ALS2: variants seen among roughly 807,000 people sequenced by gnomAD.
ALS2 encodes the protein alsin.
Under a neutral mutation model 203.4 loss-of-function variants are expected in ALS2, and 117 were observed. That is an observed-to-expected ratio of 0.58 (90% CI 0.50 to 0.67). The LOEUF (loss-of-function observed/expected upper bound fraction) is 0.67. Ranked by LOEUF, ALS2 falls within the 30% of genes least tolerant of loss-of-function variation. ALS2 has a pLI of 0.00. For synonymous variants in ALS2, 718 were observed against 725.9 expected, an observed-to-expected ratio of 0.99 and a Z score of 0.17; for missense variants, 1,715 against 1,989.4, an observed-to-expected ratio of 0.86 and a Z score of 2.62.
intron 4 of ALS2, among the ~76,000 whole-genome samples, chr2:201,758,089 C>T (rs1301027621): frequency 6.6e-6 from 1 of 152,116 alleles, no homozygotes; most frequent in Non-Finnish European, 1.5e-5. Flanking sequence ...GCATGGAAAA[C>T]ACTGCCTTTA....
chr2:201,729,650 G>A (rs1380023406), intron 13 of ALS2, among the ~76,000 whole-genome samples: 1 of 152,042 alleles, frequency 6.6e-6, no homozygotes, highest in African/African-American at 2.4e-5. Context: ...GGAGGCCGAG[G>A]CAGGCGGATC....
At chr2:201,763,825 G>A (rs1693905579) in intron 3 of ALS2, among the ~76,000 whole-genome samples, 1 of 152,128 alleles carries the variant, frequency 6.6e-6, no homozygotes, top group Non-Finnish European at 1.5e-5. Flanking sequence ...AAGCTATGCT[G>A]GCTAAAAATT....
chr2:201,763,393 G>A, intron 3 of ALS2: 1 of 214,612 alleles, frequency 4.7e-6, no homozygotes, highest in Non-Finnish European at 9.4e-6. Context: ...CTGCCACCCT[G>A]GCCAACTTCA....
rs1178952872 is a variant in ALS2 at position 201,704,526 on chromosome 2, G to C, written c.4766C>G (p.Ser1589Ter). 1.2e-6 allele frequency: 2 copies of C among 1,614,000 alleles called. No homozygotes were observed. The highest frequency in any genetic ancestry group is 1.7e-6 in the Non-Finnish European group (2 of 1,179,988). ...GGACCACAAGAAGTCTTCGTGGAGT[G>C]ACGCCAGGACACTCTGAGAGATCTC... is the stretch of plus-strand genomic sequence containing the variant. Reference protein sequence around the residue: ...FEEISQSVLASLHEDFLWSMD... With the variant: ...FEEISQSVLA Residue 1589 changes from serine to a stop codon, truncating the protein, a stop_gained, in exon 32 of 34, where the codon TCA (serine) becomes TGA (stop). Transcript: ENST00000264276. LOFTEE classifies it high-confidence loss of function.
Position 201,715,735 on chromosome 2 carries a change from A to T in ALS2, c.3941T>A (p.Val1314Asp). The T allele has an allele frequency of 6.2e-7, 1 of 1,614,058 alleles. No homozygotes were observed. ...AGCAATATTGTCCCATGCTTTCCAA[A>T]CTTCCCCTTGGCCTGGGCCCTCACA... Reference protein sequence around the residue: ...LGCEGPGQGEVWKAWDNIAVA... With the variant: ...LGCEGPGQGEDWKAWDNIAVA... Residue 1314 changes from valine to aspartate, a missense_variant, in exon 25 of 34, where the codon GTT (valine) becomes GAT (aspartate). Around this residue, in one of 3 missense-constraint regions of ALS2, gnomAD observed 1,227 missense variants for 1,413.5 expected, o/e 0.87. Transcript: ENST00000264276.
chr2:201,724,215 A>G (rs1350196485), intron 21 of ALS2, 80 bp downstream of exon 21: 5 of 1,463,512 alleles, frequency 3.4e-6, no homozygotes, highest in Non-Finnish European at 4.8e-6. Context: ...AAAAGACAAA[A>G]TAAGTATAAA....
chr2:201,757,503 TCCTGTTTAA>T lies in ALS2; in HGVS notation c.1361_1369del (p.Val454_Gln456del), dbSNP rs1451838911. 1.2e-6 allele frequency: 2 copies of T among 1,613,910 alleles called. No homozygotes were observed. Among genetic ancestry groups the T allele is most frequent in the Non-Finnish European group, 1.7e-6 (2 of 1,179,876 alleles). ...TGAACTTTTCTTTCCTTGCATTGAT[TCCTGTTTAA>T]CCTGTTCTTCCCTGCTATCTTTCAA... On this transcript the variant is annotated inframe_deletion, in exon 5 of 34. Coordinates refer to ENST00000264276, the MANE Select transcript of ALS2 (RefSeq NM_020919.4).
intron 1 of ALS2, among the ~76,000 whole-genome samples, chr2:201,777,224 T>G (rs1694701529): frequency 6.6e-6 from 1 of 151,024 alleles, no homozygotes. Context: ...TTCCCAAGCA[T>G]CTCTAGAATG....
chr2:201,758,197 G>A (rs182207749), intron 4 of ALS2, among the ~76,000 whole-genome samples: 3 of 151,962 alleles, frequency 2.0e-5, no homozygotes, highest in Admixed American at 2.0e-4. Flanking sequence ...CTACTACCTA[G>A]AAGTGGCAGG....
intron 11 of ALS2, among the ~76,000 whole-genome samples, chr2:201,740,151 C>A (rs930167672): frequency 2.0e-5 from 3 of 151,848 alleles, no homozygotes; most frequent in Admixed American, 6.6e-5. Flanking sequence ...ATAGTGAGAC[C>A]CCCATCTCTA....
intron 5 of ALS2, among the ~76,000 whole-genome samples, chr2:201,756,078 A>G (rs887113805): frequency 7.2e-5 from 11 of 152,202 alleles, no homozygotes; most frequent in African/African-American, 2.4e-4. Flanking sequence ...ATTTTTCGAA[A>G]GATACTTTAG....
At chr2:201,760,135 CAA>C (rs1693669100) in intron 4 of ALS2, 3 of 593,282 alleles carry the variant, frequency 5.1e-6, no homozygotes, top group Non-Finnish European at 6.4e-6. Context: ...TGAGCCTGGG[CAA>C]CAGGCTCTAC....
At chr2:201,751,662 A>G (rs1205167365) in intron 7 of ALS2, among the ~76,000 whole-genome samples, 1 of 152,166 alleles carries the variant, frequency 6.6e-6, no homozygotes, top group Non-Finnish European at 1.5e-5. Context: ...CTGTTGAATT[A>G]TCATATTGAC....
chr2:201,776,854 A>C (rs1314056684), intron 1 of ALS2, among the ~76,000 whole-genome samples: 6 of 152,186 alleles, frequency 3.9e-5, no homozygotes, highest in African/African-American at 1.4e-4. Context: ...ATTAGAAATA[A>C]AAATATTGTT....
chr2:201,739,181 G>C (rs1325850612), intron 11 of ALS2, among the ~76,000 whole-genome samples: 1 of 136,444 alleles, frequency 7.3e-6, no homozygotes, highest in Non-Finnish European at 1.5e-5. Context: ...TGAGGCTGCA[G>C]TGAGCTGTGA....
chr2:201,704,696 C>T, intron 31 of ALS2, 93 bp from the exon 32 acceptor site: 2 of 1,417,364 alleles, frequency 1.4e-6, no homozygotes. Flanking sequence ...TCCTGGGATT[C>T]ACATGCCTTA....
chr2:201,774,484 T>C (rs1248855486), intron 1 of ALS2, among the ~76,000 whole-genome samples: 2 of 152,208 alleles, frequency 1.3e-5, no homozygotes, highest in Non-Finnish European at 1.5e-5. Flanking sequence ...CACCCTGCTA[T>C]ACATTTTTGT....
At chr2:201,767,463 T>C (rs1694148740) in intron 2 of ALS2, 80 bp from the exon 3 acceptor site, 1 of 1,490,834 alleles carries the variant, frequency 6.7e-7, no homozygotes, top group Non-Finnish European at 9.2e-7. Context: ...TTCATGATTG[T>C]ACCTTTTACC....
intron 28 of ALS2, among the ~76,000 whole-genome samples, chr2:201,707,650 G>T (rs904486360): frequency 2.0e-5 from 3 of 151,864 alleles, no homozygotes; most frequent in Non-Finnish European, 4.4e-5. Context: ...GGCTGCTCTT[G>T]AACTCCTAAG....
Sources: gnomAD v4.1 joint callset for allele counts (sites outside exome capture counted in the v4.1 genomes callset) on GRCh38, gnomAD v4.1.1 for gene constraint, gnomAD v4.1.1 regional missense constraint, MANE v1.5 for transcripts, NCBI Gene and HGNC (gene_info 2026-07-23, HGNC 2026-07-21) for gene names.